Variants in SLC2A13 observed in about 807,000 individuals in gnomAD.
The protein encoded by SLC2A13 is proton myo-inositol cotransporter.
In SLC2A13, 32 loss-of-function variants were observed where a neutral mutation model predicts 64.4. The observed-to-expected ratio is 0.50, with a 90% CI of 0.37 to 0.67. SLC2A13 has a LOEUF of 0.67. SLC2A13 is among the 30% of genes least tolerant of loss of function. SLC2A13 has a pLI of 0.00. For synonymous variants in SLC2A13, 338 were observed against 327.1 expected (o/e 1.03, Z -0.36); for missense variants, 743 against 829.2 (o/e 0.90, Z 1.28).
chr12:39,757,047 A>G lies in SLC2A13; in HGVS notation c.*2979T>C, dbSNP rs1939987648. 1 of 151,778 alleles carries G rather than the reference A, an allele frequency of 6.6e-6. No individual in the cohort carries two copies. The highest frequency in any genetic ancestry group is 2.4e-5 in the African/African-American group (1 of 41,424). The allele number at this position is 151,778 out of a possible 1,614,324, so 9.4% of individuals were successfully genotyped here. The stretch of plus-strand genomic sequence containing the variant: ...TGACTAAGGAGCAACAATCAAAATT[A>G]TTAGGAATGTTTACATTGAAGAAAA... On this transcript the variant is annotated 3_prime_UTR_variant, in exon 10 of 10. Coordinates refer to ENST00000280871, the MANE Select transcript of SLC2A13 (RefSeq NM_052885.4).
At chr12:39,904,606 C>T (rs1945217699) in intron 4 of SLC2A13, among the ~76,000 whole-genome samples, 1 of 152,092 alleles carries the variant, frequency 6.6e-6, no homozygotes, top group African/African-American at 2.4e-5. Flanking sequence ...GATATCCACA[C>T]AGATGTTGCA....
chr12:39,777,598 C>T (rs1940822024), intron 7 of SLC2A13, among the ~76,000 whole-genome samples: 1 of 152,180 alleles, frequency 6.6e-6, no homozygotes. Flanking sequence ...GCCTGCCACG[C>T]CCCCATCCTG....
chr12:39,761,411 GT>G (rs1290417933), intron 9 of SLC2A13, among the ~76,000 whole-genome samples: 1 of 152,032 alleles, frequency 6.6e-6, no homozygotes, highest in Admixed American at 6.6e-5. Flanking sequence ...TTGCCCAACT[GT>G]AAAGAATAGA....
At chr12:40,034,309 T>C (rs879426112) in intron 2 of SLC2A13, among the ~76,000 whole-genome samples, 5 of 152,170 alleles carry the variant, frequency 3.3e-5, no homozygotes, top group African/African-American at 1.2e-4. Context: ...AGGTCAACTA[T>C]CACTTCCTTA....
At chr12:39,862,343 T>G (rs920561185) in intron 6 of SLC2A13, among the ~76,000 whole-genome samples, 15 of 152,228 alleles carry the variant, frequency 9.9e-5, no homozygotes, top group Non-Finnish European at 2.1e-4. Flanking sequence ...TTTAACCATT[T>G]ACTTTCTTAA....
At chr12:39,798,727 A>G (rs544850800) in intron 7 of SLC2A13, among the ~76,000 whole-genome samples, 1 of 152,148 alleles carries the variant, frequency 6.6e-6, no homozygotes, top group African/African-American at 2.4e-5. Flanking sequence ...ACCTTCTGGG[A>G]CATTTCTCAT....
chr12:40,044,041 CAA>C (rs1948135953), intron 2 of SLC2A13, among the ~76,000 whole-genome samples: 1 of 152,038 alleles, frequency 6.6e-6, no homozygotes, highest in Non-Finnish European at 1.5e-5. Context: ...AATTTGTACA[CAA>C]ATGTTCATAG....
rs1382862530 is a variant in SLC2A13 at position 40,105,361 on chromosome 12, C to A, written c.448G>T (p.Ala150Ser). 8.2e-6 allele frequency: 13 copies of A among 1,582,894 alleles called. No individual in the cohort carries two copies. The highest frequency in any genetic ancestry group is 1.0e-5 in the Non-Finnish European group (12 of 1,165,554). ...ALNGVFGRRAAILLASALFTA... is the reference protein window; with the variant it reads ...ALNGVFGRRASILLASALFTA... ...AAGAGGGCACTGGCCAGGAGGATGG[C>A]AGCGCGGCGGCCGAAGACGCCGTTG... The change falls in exon 1 of 10, where the codon GCC becomes TCC. Residue 150 changes from alanine to serine, a missense_variant. Ala to Ser is a moderately conservative substitution (Grantham distance 99, BLOSUM62 1). This residue lies in a region of SLC2A13 where 448 missense variants were observed against 447.4 expected (regional missense o/e 1.00). Coordinates refer to ENST00000280871, the MANE Select transcript of SLC2A13 (RefSeq NM_052885.4). This position sits in a 1 kb window ranked among gnomAD's most constrained non-coding sequence, Gnocchi z 4.2.
rs868107659 is a variant in SLC2A13, at chr12:39,895,555, C to T, written c.1035-23594G>A. ...ATATATATATATATATATATATACA[C>T]ACACACACACACGTGTATATGTATA... On this transcript the variant is annotated intron_variant, in intron 4 of 9. Transcript: ENST00000280871. 9.2e-4 allele frequency among the ~76,000 whole-genome samples: 112 copies of T among 122,180 alleles called. 2 individuals are homozygous for T. Among genetic ancestry groups the T allele is most frequent in the South Asian group, 2.1e-3 (8 of 3,886 alleles). 80.2% of individuals were successfully genotyped at this position (122,180 alleles called of 152,430 possible). A position where few individuals can be genotyped will look rare whatever the true frequency, so the allele number is the denominator to read the frequency against.
chr12:39,764,559 T>C lies in SLC2A13; in HGVS notation c.1621A>G (p.Arg541Gly). ...GATGAACATGCATTTCCTGTACTTCTTGCCCAAAGGGGATATATTTCAGAA... is the reference window on the plus strand; with the variant it reads ...GATGAACATGCATTTCCTGTACTTCCTGCCCAAAGGGGATATATTTCAGAA... ...VNSEIYPLWA[R>G]STGNACSSGI... is the part of the protein sequence containing the mutation. Residue 541 changes from arginine to glycine, a missense_variant, in exon 9 of 10, where the codon AGA (arginine) becomes GGA (glycine). Arg to Gly is a moderately radical substitution (Grantham distance 125). Coordinates refer to ENST00000280871, the MANE Select transcript of SLC2A13 (RefSeq NM_052885.4). 1 of 1,611,470 alleles carries C rather than the reference T, an allele frequency of 6.2e-7. No individual in the cohort carries two copies. The highest frequency in any genetic ancestry group is 8.5e-7 in the Non-Finnish European group (1 of 1,179,108).
chr12:39,790,225 CT>C (rs946341011), intron 7 of SLC2A13, among the ~76,000 whole-genome samples: 2 of 108,028 alleles, frequency 1.9e-5, no homozygotes, highest in Admixed American at 1.9e-4. Context: ...TCTTCTTCTT[CT>C]TTTTTTATTA....
intron 3 of SLC2A13, among the ~76,000 whole-genome samples, 165 bp downstream of exon 3, chr12:40,028,132 AATAC>A (rs1592020175): frequency 1.3e-5 from 2 of 152,088 alleles, no homozygotes; most frequent in East Asian, 3.9e-4. Context: ...GAAGGTCAAT[AATAC>A]ATATATAATT....
chr12:39,809,474 T>C (rs1397895661), intron 7 of SLC2A13, among the ~76,000 whole-genome samples: 3 of 152,196 alleles, frequency 2.0e-5, no homozygotes, highest in Non-Finnish European at 4.4e-5. Context: ...TGAGTTGATC[T>C]AGAGATCAAC....
At chr12:39,972,835 A>G (rs568744865) in intron 3 of SLC2A13, among the ~76,000 whole-genome samples, 3 of 152,310 alleles carry the variant, frequency 2.0e-5, no homozygotes, top group South Asian at 4.1e-4. Flanking sequence ...TGGGAGGCCA[A>G]GGCAGGTGGA....
intron 7 of SLC2A13, among the ~76,000 whole-genome samples, chr12:39,776,461 G>C (rs1447073234): frequency 3.3e-5 from 5 of 152,220 alleles, no homozygotes; most frequent in African/African-American, 9.6e-5. Context: ...GGTGGGTGCT[G>C]TATACCAGAG....
intron 3 of SLC2A13, among the ~76,000 whole-genome samples, chr12:39,991,074 T>G (rs1016714256): frequency 6.6e-6 from 1 of 152,152 alleles, no homozygotes; most frequent in African/African-American, 2.4e-5. Context: ...TTCCTCTGAT[T>G]TGCAGACAGT....
chr12:39,865,687 T>C (rs1053349541), intron 5 of SLC2A13, among the ~76,000 whole-genome samples: 6 of 152,234 alleles, frequency 3.9e-5, no homozygotes, highest in African/African-American at 1.2e-4. Flanking sequence ...GATGGAATAC[T>C]ATGCAGCTGT....
intron 6 of SLC2A13, among the ~76,000 whole-genome samples, chr12:39,855,187 T>C (rs941396609): frequency 6.6e-6 from 1 of 152,226 alleles, no homozygotes; most frequent in African/African-American, 2.4e-5. Flanking sequence ...ACTTAATGTG[T>C]TAATAAAGAA....
intron 1 of SLC2A13, among the ~76,000 whole-genome samples, chr12:40,066,813 T>A (rs1937745087): frequency 6.6e-6 from 1 of 152,138 alleles, no homozygotes; most frequent in African/African-American, 2.4e-5. Context: ...AAAGGAAAAT[T>A]AAGTCTTCAT....
Sources: gnomAD v4.1 joint callset for allele counts (sites outside exome capture counted in the v4.1 genomes callset) on GRCh38, gnomAD v4.1.1 for gene constraint, gnomAD v4.1.1 regional missense constraint, Gnocchi (gnomAD v3.1) non-coding constraint, MANE v1.5 for transcripts, NCBI Gene and HGNC (gene_info 2026-07-23, HGNC 2026-07-21) for gene names.